The following IL23R variants were observed in gnomAD, a reference collection of about 807,000 sequenced individuals.
The protein encoded by IL23R is interleukin-23 receptor.
In IL23R, 34 loss-of-function variants were observed where a neutral mutation model predicts 56.9. That is an observed-to-expected ratio of 0.60 (90% CI 0.45 to 0.80). IL23R has a LOEUF of 0.80. Among genes scored for constraint, IL23R ranks in the 30% least tolerant of loss-of-function variants. The pLI is 0.00. For synonymous variants in IL23R, 230 were observed against 249.2 expected (o/e 0.92, Z 0.73); for missense variants, 635 against 730.0 (o/e 0.87, Z 1.50).
intron 9 of IL23R, among the ~76,000 whole-genome samples, chr1:67,249,303 C>A (rs1456268501): frequency 6.6e-6 from 1 of 151,874 alleles, no homozygotes; most frequent in African/African-American, 2.4e-5. Context: ...TTATTAGAAA[C>A]CTGTATTCAA....
intron 7 of IL23R, among the ~76,000 whole-genome samples, chr1:67,233,938 TGTG>T (rs2100300547): frequency 8.9e-6 from 1 of 112,534 alleles, no homozygotes; most frequent in Admixed American, 7.9e-5. Context: ...GCTGTGTGTG[TGTG>T]TGTGTGTGTG....
At chr1:67,225,258 T>A (rs539201575) in intron 7 of IL23R, among the ~76,000 whole-genome samples, 1 of 152,188 alleles carries the variant, frequency 6.6e-6, no homozygotes, top group African/African-American at 2.4e-5. Flanking sequence ...CTACTTTGGC[T>A]TGAATACAAG....
At chr1:67,230,278 C>CT in intron 7 of IL23R, among the ~76,000 whole-genome samples, 1 of 152,306 alleles carries the variant, frequency 6.6e-6, no homozygotes, top group East Asian at 1.9e-4. Flanking sequence ...TGCCTCTCAG[C>CT]TTTTTTAGGA....
chr1:67,177,721 A>T (rs1175587802), intron 3 of IL23R, among the ~76,000 whole-genome samples: 1 of 151,242 alleles, frequency 6.6e-6, no homozygotes, highest in Non-Finnish European at 1.5e-5. Flanking sequence ...GGTATTATCT[A>T]GGTATTCTTC....
At chr1:67,149,946 GTT>G (rs1457104956) in intron 1 of IL23R, among the ~76,000 whole-genome samples, 1 of 152,128 alleles carries the variant, frequency 6.6e-6, no homozygotes, top group African/African-American at 2.4e-5. Flanking sequence ...CTTAAGGAGA[GTT>G]AGTCGAAAAA....
rs1308466742 is a variant in IL23R, at chr1:67,219,590, C to A, written c.815C>A (p.Thr272Asn). 1 of 1,613,890 alleles carries A rather than the reference C, an allele frequency of 6.2e-7. No individual in the cohort carries two copies. Among genetic ancestry groups the A allele is most frequent in the South Asian group, 1.1e-5 (1 of 91,074 alleles). ...NQTWNVKEFD[T>N]NFTYVQQSEF... ...CCATTTTAGGTTAAAGAATTTGACACCAATTTTACATATGTGCAACAGTCA... is the reference window on the plus strand; with the variant it reads ...CCATTTTAGGTTAAAGAATTTGACAACAATTTTACATATGTGCAACAGTCA... Residue 272 changes from threonine to asparagine, a missense_variant, in exon 7 of 11, where the codon ACC becomes AAC. Physicochemically the swap from Thr to Asn is moderately conservative, Grantham distance 65. Transcript: ENST00000347310.
chr1:67,188,917 G>A (rs1647545700), intron 4 of IL23R, among the ~76,000 whole-genome samples: 2 of 151,880 alleles, frequency 1.3e-5, no homozygotes, highest in South Asian at 2.1e-4. Flanking sequence ...AAATTTTGAG[G>A]GTACACTAAT....
intron 7 of IL23R, among the ~76,000 whole-genome samples, chr1:67,220,826 C>T (rs1558250633): frequency 6.6e-6 from 1 of 152,204 alleles, no homozygotes; most frequent in Non-Finnish European, 1.5e-5. Flanking sequence ...GAAGCCTCTG[C>T]CTCCTGGGCT....
chr1:67,215,650 C>T (rs1278708792), intron 6 of IL23R, among the ~76,000 whole-genome samples: 1 of 152,168 alleles, frequency 6.6e-6, no homozygotes, highest in Non-Finnish European at 1.5e-5. Context: ...TATTGCAATC[C>T]ACCTCAAAAT....
chr1:67,235,273 A>G (rs1404952857), intron 7 of IL23R, among the ~76,000 whole-genome samples: 1 of 152,232 alleles, frequency 6.6e-6, no homozygotes, highest in Non-Finnish European at 1.5e-5. Flanking sequence ...AGGACAAAAA[A>G]CACGGGAAAT....
chr1:67,203,450 G>T (rs1648775350), intron 5 of IL23R, among the ~76,000 whole-genome samples: 8 of 151,814 alleles, frequency 5.3e-5, no homozygotes, highest in Admixed American at 5.2e-4. Context: ...TGGAGTTGTG[G>T]TTCCTTTTCC....
At chr1:67,207,935 T>C (rs1052280200) in intron 6 of IL23R, among the ~76,000 whole-genome samples, 15 of 152,206 alleles carry the variant, frequency 9.9e-5, no homozygotes, top group Admixed American at 6.5e-5. Context: ...ACTTGTTGAA[T>C]GGCTTTGCCC....
chr1:67,241,541 C>G (rs1385089991), intron 9 of IL23R, among the ~76,000 whole-genome samples: 1 of 152,144 alleles, frequency 6.6e-6, no homozygotes, highest in East Asian at 1.9e-4. Context: ...ACAGTGTGAC[C>G]AAAACCTAGG....
chr1:67,180,039 C>A (rs1366731215), intron 3 of IL23R, among the ~76,000 whole-genome samples: 1 of 151,810 alleles, frequency 6.6e-6, no homozygotes, highest in Admixed American at 6.6e-5. Flanking sequence ...TTACTTCCGA[C>A]TATGTGGTCA....
At chr1:67,234,685 C>T (rs1350486434) in intron 7 of IL23R, among the ~76,000 whole-genome samples, 2 of 146,704 alleles carry the variant, frequency 1.4e-5, no homozygotes, top group South Asian at 2.2e-4. Flanking sequence ...ATTGTGTTAC[C>T]TTTTAATGTA....
intron 7 of IL23R, among the ~76,000 whole-genome samples, chr1:67,231,015 TG>T (rs1013317804): frequency 1.3e-5 from 2 of 151,780 alleles, no homozygotes; most frequent in Admixed American, 1.3e-4. Context: ...GGAGGGAGGG[TG>T]GGGGCGAATC....
chr1:67,158,414 T>C (rs1318455498), intron 1 of IL23R, among the ~76,000 whole-genome samples: 1 of 152,150 alleles, frequency 6.6e-6, no homozygotes, highest in Non-Finnish European at 1.5e-5. Context: ...ACTGCTCTTG[T>C]GGAGAAGGGC....
intron 1 of IL23R, among the ~76,000 whole-genome samples, chr1:67,148,333 C>A (rs1459707485): frequency 6.6e-6 from 1 of 152,240 alleles, no homozygotes; most frequent in African/African-American, 2.4e-5. Context: ...GAAAACAGAG[C>A]TCCCATAGAA....
chr1:67,172,904 C>G (rs1646960670), intron 3 of IL23R, among the ~76,000 whole-genome samples: 1 of 152,106 alleles, frequency 6.6e-6, no homozygotes, highest in South Asian at 2.1e-4. Context: ...ATGGAATAAA[C>G]TTTATTGAGT....
Sources: gnomAD v4.1 joint callset for allele counts (sites outside exome capture counted in the v4.1 genomes callset) on GRCh38, gnomAD v4.1.1 for gene constraint, MANE v1.5 for transcripts, NCBI Gene and HGNC (gene_info 2026-07-23, HGNC 2026-07-21) for gene names.